MYO3B: variants seen among roughly 807,000 people sequenced by gnomAD.
MYO3B encodes the protein myosin IIIB.
Under a neutral mutation model 174.6 loss-of-function variants are expected in MYO3B, and 156 were observed. The observed-to-expected ratio is 0.89, with a 90% CI of 0.78 to 1.02. The LOEUF is 1.02. Among genes scored for constraint, MYO3B ranks in the 50% least tolerant of loss-of-function variants. MYO3B has a pLI of 0.00. For synonymous variants in MYO3B, 563 were observed against 569.1 expected (o/e 0.99, Z 0.15); for missense variants, 1,632 against 1,639.4 (o/e 1.00, Z 0.08).
At chr2:170,321,990 T>TCAG (rs1379787619) in intron 7 of MYO3B, among the ~76,000 whole-genome samples, 7 of 151,884 alleles carry the variant, frequency 4.6e-5, no homozygotes, top group Non-Finnish European at 7.4e-5. Context: ...GGCACGTGCC[T>TCAG]GTAATCCCAG....
chr2:170,401,616 A>G lies in MYO3B; in HGVS notation c.2054A>G (p.Lys685Arg). Residue 685 changes from lysine to arginine, a missense_variant, in exon 18 of 35, where the codon AAA becomes AGA. Lys to Arg is a conservative substitution (Grantham distance 26, BLOSUM62 2). Transcript: ENST00000408978. Reference protein sequence around the residue: ...RAADVRDAMSKALYGRLFSWI... With the variant: ...RAADVRDAMSRALYGRLFSWI... ...GCGGACGTTCGAGACGCCATGTCCA[A>G]AGCCCTGTATGGGAGGCTCTTCAGC... The G allele has an allele frequency of 6.2e-7, 1 of 1,614,082 alleles. No individual in the cohort carries two copies. The highest frequency in any genetic ancestry group is 8.5e-7 in the Non-Finnish European group (1 of 1,180,004).
chr2:170,627,345 G>A (rs1288628298), intron 32 of MYO3B, among the ~76,000 whole-genome samples: 1 of 152,148 alleles, frequency 6.6e-6, no homozygotes, highest in South Asian at 2.1e-4. Flanking sequence ...GATAGAATCG[G>A]CTACTGAAGC....
At chr2:170,387,443 C>A in intron 14 of MYO3B, 135 bp downstream of exon 14, 1 of 815,244 alleles carries the variant, frequency 1.2e-6, no homozygotes, top group Non-Finnish European at 1.9e-6. Flanking sequence ...ATTATTTAAG[C>A]AAAGGATCAG....
chr2:170,291,745 T>C (rs1159579815), intron 7 of MYO3B, among the ~76,000 whole-genome samples: 1 of 151,738 alleles, frequency 6.6e-6, no homozygotes, highest in Non-Finnish European at 1.5e-5. Flanking sequence ...ACTTTGAAAA[T>C]GCCATTTTTT....
intron 7 of MYO3B, among the ~76,000 whole-genome samples, chr2:170,306,780 G>C (rs946288818): frequency 2.0e-5 from 3 of 152,108 alleles, no homozygotes; most frequent in Non-Finnish European, 4.4e-5. Context: ...GATTATTGTA[G>C]GGAAAAACAA....
At chr2:170,478,367 G>A (rs1428439554) in intron 25 of MYO3B, among the ~76,000 whole-genome samples, 2 of 152,140 alleles carry the variant, frequency 1.3e-5, no homozygotes, top group Non-Finnish European at 2.9e-5. Flanking sequence ...TGAATATTAA[G>A]TAAATATTTC....
chr2:170,615,382 G>A (rs145441665), intron 32 of MYO3B, among the ~76,000 whole-genome samples: 135 of 152,346 alleles, frequency 8.9e-4, no homozygotes, highest in South Asian at 2.1e-3. Flanking sequence ...AAGTCAGGAC[G>A]GAGGGATAGG....
chr2:170,557,853 T>A (rs1189248868), intron 32 of MYO3B, among the ~76,000 whole-genome samples: 1 of 152,174 alleles, frequency 6.6e-6, no homozygotes. Flanking sequence ...CGTCTGCCCA[T>A]TCTTTTTCCA....
At chr2:170,246,648 A>T (rs974467019) in intron 7 of MYO3B, among the ~76,000 whole-genome samples, 8 of 152,276 alleles carry the variant, frequency 5.3e-5, no homozygotes, top group African/African-American at 1.9e-4. Flanking sequence ...GAGGCTTCAG[A>T]GGGAGCATGG....
At chr2:170,507,247 A>G (rs969208382) in intron 28 of MYO3B, among the ~76,000 whole-genome samples, 9 of 151,946 alleles carry the variant, frequency 5.9e-5, no homozygotes, top group Non-Finnish European at 1.3e-4. Flanking sequence ...AGCCCTCCCC[A>G]TCCGCCTACC....
intron 22 of MYO3B, among the ~76,000 whole-genome samples, chr2:170,422,965 A>ATTTC (rs2094628469): frequency 6.1e-5 from 6 of 98,534 alleles, no homozygotes; most frequent in South Asian, 3.2e-4. Flanking sequence ...GACCAACCAT[A>ATTTC]TTTCTTTCTT....
rs2161914 is a variant in MYO3B at position 170,191,810 on chromosome 2, T to C, written c.3-7398T>C. On this transcript the variant is annotated intron_variant, in intron 1 of 34. Coordinates refer to ENST00000408978, the MANE Select transcript of MYO3B (RefSeq NM_138995.5). ...CCAGATATTGTTATCACTCATCTGA[T>C]TTTAGGTTCTTATGAAGGTGCTTTT... Among the ~76,000 whole-genome samples, 4,100 of 152,264 alleles carry C rather than the reference T, an allele frequency of 0.027. 323 individuals are homozygous for C. The East Asian group carries it at 0.3, about 11-fold the overall frequency.
At chr2:170,386,417 G>A (rs2094375727) in intron 13 of MYO3B, 145 bp downstream of exon 13, 12 of 603,176 alleles carry the variant, frequency 2.0e-5, no homozygotes, top group Admixed American at 3.1e-5. Context: ...TCCTGATAGC[G>A]AGGCCTCTTA....
intron 28 of MYO3B, among the ~76,000 whole-genome samples, chr2:170,512,134 G>C (rs1410985001): frequency 6.6e-6 from 1 of 152,096 alleles, no homozygotes; most frequent in East Asian, 1.9e-4. Context: ...TTAAGTACTG[G>C]ATAATCAAAG....
intron 30 of MYO3B, among the ~76,000 whole-genome samples, chr2:170,531,858 A>G (rs1002174447): frequency 1.3e-5 from 2 of 152,262 alleles, no homozygotes; most frequent in Admixed American, 6.5e-5. Flanking sequence ...ATAAAGGTAG[A>G]TGAAATTAAG....
chr2:170,635,804 A>C (rs1216668486), intron 32 of MYO3B, among the ~76,000 whole-genome samples: 2 of 152,196 alleles, frequency 1.3e-5, no homozygotes. Context: ...GAGATATCCA[A>C]AGGTCTAAAA....
intron 8 of MYO3B, among the ~76,000 whole-genome samples, chr2:170,356,841 A>G (rs2094125462): frequency 6.6e-6 from 1 of 151,580 alleles, no homozygotes; most frequent in South Asian, 2.1e-4. Context: ...GCAGTGGTAC[A>G]ATCATGGCTC....
chr2:170,361,347 A>G (rs2094159640), intron 8 of MYO3B, among the ~76,000 whole-genome samples: 1 of 152,214 alleles, frequency 6.6e-6, no homozygotes, highest in Admixed American at 6.5e-5. Flanking sequence ...CTGGAGAAAT[A>G]TCTGGTTAAT....
chr2:170,443,913 A>T (rs2094821015), intron 22 of MYO3B, 54 bp from the exon 23 acceptor site: 3 of 1,460,824 alleles, frequency 2.1e-6, no homozygotes, highest in Non-Finnish European at 1.9e-6. Flanking sequence ...ATTACTCATG[A>T]TCCTATTTCT....
Sources: allele counts gnomAD v4.1 joint callset (sites outside exome capture counted in the v4.1 genomes callset), GRCh38; gene constraint gnomAD v4.1.1; transcripts MANE v1.5; gene names NCBI Gene and HGNC (gene_info 2026-07-23, HGNC 2026-07-21).